Variants in OSBPL3 observed in about 807,000 individuals in gnomAD.
OSBPL3 encodes oxysterol-binding protein-related protein 3.
A neutral mutation model predicts 120.1 loss-of-function variants in OSBPL3; 65 were observed. The observed-to-expected ratio is 0.54, with a 90% confidence interval of 0.44 to 0.67. The LOEUF (loss-of-function observed/expected upper bound fraction) is 0.67. OSBPL3 is among the 30% of genes least tolerant of loss of function. The probability of loss-of-function intolerance (pLI) is 0.00; values close to 1 mark genes in which losing one functional copy is unlikely to be tolerated. For synonymous variants in OSBPL3, 416 were observed against 402.6 expected (o/e 1.03, Z -0.40); for missense variants, 1,004 against 1,082.1 (o/e 0.93, Z 1.01).
Position 24,891,441 on chromosome 7 carries a change from T to C in OSBPL3, c.96+936A>G, listed in dbSNP as rs1482879456. 6.6e-6 allele frequency among the ~76,000 whole-genome samples: 1 copy of C among 151,930 alleles called. No individual in the cohort carries two copies. The highest frequency in any genetic ancestry group is 2.4e-5 in the African/African-American group (1 of 41,318). ...CGTGTAGACGTGACTGAGGTGGGAGTTGCTTAATTGCTGCTTCCAATTCTG... is the reference window on the plus strand; with the variant it reads ...CGTGTAGACGTGACTGAGGTGGGAGCTGCTTAATTGCTGCTTCCAATTCTG... On this transcript the variant is annotated intron_variant, in intron 2 of 22. Transcript: ENST00000313367. The surrounding 1 kb of genome is among the most constrained non-coding windows in gnomAD (Gnocchi z 4.1).
At position 24,855,302 on chromosome 7, in the gene OSBPL3, G is replaced by A. The variant is rs562433587; in HGVS notation, c.1028-2668C>T. ...AAATAAATGTGGCACTCAGCTAGCC[G>A]CCACTTTCCAAATCAATTCCTCTGG... On this transcript the variant is annotated intron_variant, in intron 10 of 22. Transcript: ENST00000313367. This position sits in a 1 kb window ranked among gnomAD's most constrained non-coding sequence, Gnocchi z 4.3. Among the ~76,000 whole-genome samples the A allele has an allele frequency of 2.2e-4, 34 of 152,270 alleles. No homozygotes were observed. Among genetic ancestry groups the A allele is most frequent in the African/African-American group, 7.5e-4 (31 of 41,550 alleles).
rs748406805 is a variant in OSBPL3, at chr7:24,966,986, T to A, written c.-150+12900A>T. 6.6e-6 allele frequency among the ~76,000 whole-genome samples: 1 copy of A among 152,180 alleles called. No homozygotes were observed. Among genetic ancestry groups the A allele is most frequent in the African/African-American group, 2.4e-5 (1 of 41,432 alleles). On this transcript the variant is annotated intron_variant, in intron 1 of 22. Transcript: ENST00000313367. The surrounding 1 kb of genome is among the most constrained non-coding windows in gnomAD (Gnocchi z 4.8). Reference sequence around the variant, plus strand: ...TCCCCTAAGTGACTAATACATAAGATAAGCAATACACTGCCACACAGGCAA... The same window carrying A: ...TCCCCTAAGTGACTAATACATAAGAAAAGCAATACACTGCCACACAGGCAA...
intron 6 of OSBPL3, 131 bp downstream of exon 6, chr7:24,865,939 T>C: frequency 1.4e-6 from 1 of 690,040 alleles, no homozygotes; most frequent in Non-Finnish European, 2.5e-6. Flanking sequence ...ACAGACTAAT[T>C]AAATACCAGC....
In OSBPL3 at chr7:24,917,399, A is replaced by ATATAT. The variant is rs1194293107; in HGVS notation, c.-149-24779_-149-24778insATATA. 9.5e-4 allele frequency among the ~76,000 whole-genome samples: 41 copies of ATATAT among 42,960 alleles called. 1 individual carries two copies. The highest frequency in any genetic ancestry group is 4.1e-3 in the African/African-American group (40 of 9,752). 28.2% of individuals were successfully genotyped at this position (42,960 alleles called of 152,430 possible). On this transcript the variant is annotated intron_variant, in intron 1 of 22. Transcript: ENST00000313367. ...ATTTGTAACATATATATATATTTGT[A>ATATAT]ACATATATATATATATATATATATA...
At chr7:24,860,126 G>A (rs561796801) in intron 10 of OSBPL3, among the ~76,000 whole-genome samples, 1 of 152,070 alleles carries the variant, frequency 6.6e-6, no homozygotes, top group South Asian at 2.1e-4. Context: ...TATGTGTGTG[G>A]GTATAAGTAA....
Position 24,939,944 on chromosome 7 carries a change from G to A in OSBPL3, c.-150+39942C>T, listed in dbSNP as rs1166608557. Reference sequence around the variant, plus strand: ...GGTGCAGCAAATCACCATGGCACATGTATACCTATGTAACAAACCTGCATG... The same window carrying A: ...GGTGCAGCAAATCACCATGGCACATATATACCTATGTAACAAACCTGCATG... On this transcript the variant is annotated intron_variant, in intron 1 of 22. Transcript: ENST00000313367. The surrounding 1 kb of genome is among the most constrained non-coding windows in gnomAD (Gnocchi z 4.2). 6.6e-6 allele frequency among the ~76,000 whole-genome samples: 1 copy of A among 152,144 alleles called. No homozygotes were observed. Among genetic ancestry groups the A allele is most frequent in the African/African-American group, 2.4e-5 (1 of 41,440 alleles).
chr7:24,915,917 T>A (rs1479294458), intron 1 of OSBPL3, among the ~76,000 whole-genome samples: 1 of 152,170 alleles, frequency 6.6e-6, no homozygotes, highest in Non-Finnish European at 1.5e-5. Flanking sequence ...AAAAGACCAA[T>A]GGTTAACAGT....
intron 14 of OSBPL3, among the ~76,000 whole-genome samples, chr7:24,839,376 T>C (rs542025663): frequency 2.0e-5 from 3 of 152,142 alleles, no homozygotes; most frequent in East Asian, 3.9e-4. Flanking sequence ...TCAGAGCTGT[T>C]TGGGGGGCTA....
At chr7:24,977,834 C>G (rs1261056748) in intron 1 of OSBPL3, among the ~76,000 whole-genome samples, 3 of 152,046 alleles carry the variant, frequency 2.0e-5, no homozygotes, top group Non-Finnish European at 2.9e-5. Context: ...CCAGCCTGGG[C>G]GACAGCGTGA....
At chr7:24,944,163 C>T (rs1197416860) in intron 1 of OSBPL3, among the ~76,000 whole-genome samples, 1 of 150,996 alleles carries the variant, frequency 6.6e-6, no homozygotes, top group Non-Finnish European at 1.5e-5. Flanking sequence ...GAAGAGATTA[C>T]TGGATTCTTC....
At chr7:24,880,090 G>A in intron 2 of OSBPL3, among the ~76,000 whole-genome samples, 1 of 152,132 alleles carries the variant, frequency 6.6e-6, no homozygotes, top group East Asian at 1.9e-4. Flanking sequence ...TGGTGATGGG[G>A]TTTTTATAGT....
chr7:24,943,619 T>C (rs1017427399), intron 1 of OSBPL3, among the ~76,000 whole-genome samples: 9 of 152,208 alleles, frequency 5.9e-5, no homozygotes, highest in African/African-American at 1.9e-4. Context: ...TATCTCTACA[T>C]ATCTCCAAGG....
At chr7:24,829,797 T>C (rs1309124597) in intron 16 of OSBPL3, among the ~76,000 whole-genome samples, 1 of 152,224 alleles carries the variant, frequency 6.6e-6, no homozygotes, top group Non-Finnish European at 1.5e-5. Context: ...TCAATATGTA[T>C]ACACTCTATT....
intron 1 of OSBPL3, among the ~76,000 whole-genome samples, chr7:24,904,921 GTGTGTGT>G (rs1807652873): frequency 2.3e-5 from 2 of 86,096 alleles, no homozygotes; most frequent in African/African-American, 9.6e-5. Flanking sequence ...ATATACAGGT[GTGTGTGT>G]GTGTGTGTGT....
chr7:24,960,831 T>C (rs561895599), intron 1 of OSBPL3, among the ~76,000 whole-genome samples: 2 of 152,250 alleles, frequency 1.3e-5, no homozygotes, highest in South Asian at 4.2e-4. Context: ...CACAGAAGTA[T>C]CACCAAGTAC....
chr7:24,966,835 T>C lies in OSBPL3; in HGVS notation c.-150+13051A>G, dbSNP rs1354866113. ...TGTGCCTCATGAGGCTGATCATTATTTCCCAGGCAAAATTCATATATAAAT... is the reference window on the plus strand; with the variant it reads ...TGTGCCTCATGAGGCTGATCATTATCTCCCAGGCAAAATTCATATATAAAT... On this transcript the variant is annotated intron_variant, in intron 1 of 22. Coordinates refer to ENST00000313367, the MANE Select transcript of OSBPL3 (RefSeq NM_015550.4). This position sits in a 1 kb window ranked among gnomAD's most constrained non-coding sequence, Gnocchi z 4.8. Among the ~76,000 whole-genome samples the C allele has an allele frequency of 6.6e-6, 1 of 152,224 alleles. No individual in the cohort carries two copies. The highest frequency in any genetic ancestry group is 1.5e-5 in the Non-Finnish European group (1 of 68,032).
At chr7:24,868,972 G>A (rs1210098822) in intron 5 of OSBPL3, among the ~76,000 whole-genome samples, 5 of 152,146 alleles carry the variant, frequency 3.3e-5, no homozygotes, top group Non-Finnish European at 7.4e-5. Context: ...GGCCGTGGGT[G>A]AGCAGCCTCT....
chr7:24,866,864 C>G (rs1310251260), intron 5 of OSBPL3, among the ~76,000 whole-genome samples: 1 of 152,144 alleles, frequency 6.6e-6, no homozygotes, highest in Non-Finnish European at 1.5e-5. Flanking sequence ...TGCAATGGCC[C>G]AACCTTGGCT....
Position 24,808,704 on chromosome 7 carries a change from C to G in OSBPL3, c.2317+1103G>C, listed in dbSNP as rs1329451329. On this transcript the variant is annotated intron_variant, in intron 20 of 22. Transcript: ENST00000313367. This position sits in a 1 kb window ranked among gnomAD's most constrained non-coding sequence, Gnocchi z 4.6. ...TTGCTAACAGAATACTGATTCTGTT[C>G]AAATGGCATTGTGCCCTTACTGGGG... 6.6e-6 allele frequency among the ~76,000 whole-genome samples: 1 copy of G among 152,214 alleles called. No homozygotes were observed. Among genetic ancestry groups the G allele is most frequent in the Non-Finnish European group, 1.5e-5 (1 of 68,032 alleles).
Sources: gnomAD v4.1 joint callset for allele counts (sites outside exome capture counted in the v4.1 genomes callset) on GRCh38, gnomAD v4.1.1 for gene constraint, Gnocchi (gnomAD v3.1) non-coding constraint, MANE v1.5 for transcripts, NCBI Gene and HGNC (gene_info 2026-07-23, HGNC 2026-07-21) for gene names.